Variants in GLIS3 observed in about 807,000 individuals in gnomAD.
The protein encoded by GLIS3 is zinc finger protein GLIS3.
GLIS3 carries 53 observed loss-of-function variants against 78.6 expected under a neutral mutation model. The observed-to-expected ratio is 0.67, with a 90% confidence interval of 0.54 to 0.85. The LOEUF (loss-of-function observed/expected upper bound fraction) is 0.85. Ranked by LOEUF, GLIS3 falls within the 40% of genes least tolerant of loss-of-function variation. GLIS3 has a pLI of 0.00. For missense variants in GLIS3, 1,703 were observed against 1,231.1 expected, an observed-to-expected ratio of 1.38 and a Z score of -5.74; for synonymous variants, 684 against 509.9, an observed-to-expected ratio of 1.34 and a Z score of -4.60.
intron 1 of GLIS3, among the ~76,000 whole-genome samples, chr9:4,292,755 G>C (rs1450460797): frequency 2.6e-5 from 4 of 152,176 alleles, no homozygotes; most frequent in Non-Finnish European, 4.4e-5. Flanking sequence ...CAGGGGATAG[G>C]TAACTTCCCT....
chr9:4,264,648 A>C (rs1423137414), intron 2 of GLIS3, among the ~76,000 whole-genome samples: 1 of 152,084 alleles, frequency 6.6e-6, no homozygotes, highest in Non-Finnish European at 1.5e-5. Context: ...CTCTTCACTC[A>C]AATCAGAGAA....
chr9:4,305,471 G>C (rs1817204686), intron 4 of GLIS3: 1 of 152,260 alleles, frequency 6.6e-6, no homozygotes, highest in Non-Finnish European at 1.5e-5. Context: ...CCCAGCCCAA[G>C]AGCTTCAAGG....
chr9:4,485,280 G>T, the GLIS3 span, among the ~76,000 whole-genome samples: 4 of 152,122 alleles, frequency 2.6e-5, no homozygotes, highest in Non-Finnish European at 2.9e-5. Context: ...CTCCCAAAGT[G>T]CTGGGATTAC....
intron 4 of GLIS3, among the ~76,000 whole-genome samples, chr9:3,968,892 G>C (rs1818161644): frequency 2.0e-5 from 3 of 152,210 alleles, no homozygotes; most frequent in African/African-American, 7.2e-5. Flanking sequence ...TGGACTGTCT[G>C]GGTAAAGATC....
exon 3 of GLIS3, chr9:4,310,459 CG>C (rs1817331617): frequency 6.6e-6 from 1 of 152,206 alleles, no homozygotes; most frequent in South Asian, 2.1e-4. Flanking sequence ...CACCTGCTGC[CG>C]GCCTTCTTCC....
intron 2 of GLIS3, among the ~76,000 whole-genome samples, chr9:4,175,846 A>G (rs933044643): frequency 1.3e-5 from 2 of 152,176 alleles, no homozygotes; most frequent in Non-Finnish European, 2.9e-5. Context: ...AACCCCATAA[A>G]AGAAGTATCA....
chr9:4,099,891 T>C (rs1469628374), intron 4 of GLIS3, among the ~76,000 whole-genome samples: 3 of 152,202 alleles, frequency 2.0e-5, no homozygotes, highest in South Asian at 4.1e-4. Flanking sequence ...AATGAAAAGA[T>C]TTACATCATA....
intron 2 of GLIS3, among the ~76,000 whole-genome samples, chr9:4,129,796 A>C (rs1346154350): frequency 2.6e-5 from 4 of 152,236 alleles, no homozygotes; most frequent in African/African-American, 9.6e-5. Flanking sequence ...AATGTGGAAG[A>C]AGCTTTGGAA....
chr9:3,904,921 G>A (rs149045689), intron 6 of GLIS3, among the ~76,000 whole-genome samples: 116 of 151,330 alleles, frequency 7.7e-4, no homozygotes, highest in African/African-American at 2.5e-3. Context: ...TTCTCCTTGT[G>A]TCCACACCAC....
chr9:3,906,341 T>G (rs918448861), intron 6 of GLIS3, among the ~76,000 whole-genome samples: 3 of 152,144 alleles, frequency 2.0e-5, no homozygotes, highest in Non-Finnish European at 4.4e-5. Context: ...TGCCAACGGC[T>G]TGAGGGAACC....
intron 2 of GLIS3, among the ~76,000 whole-genome samples, chr9:4,128,426 T>C (rs1216261583): frequency 6.6e-6 from 1 of 152,200 alleles, no homozygotes; most frequent in African/African-American, 2.4e-5. Context: ...CATCTCTACT[T>C]CCTTAGCACC....
intron 2 of GLIS3, among the ~76,000 whole-genome samples, chr9:4,178,033 T>C (rs766105543): frequency 2.6e-5 from 4 of 152,222 alleles, no homozygotes; most frequent in Admixed American, 6.5e-5. Flanking sequence ...CAGTAATTTA[T>C]GGAGTGAAGC....
chr9:4,345,410 A>C (rs915808879), intron 2 of GLIS3, among the ~76,000 whole-genome samples: 5 of 152,184 alleles, frequency 3.3e-5, no homozygotes, highest in African/African-American at 1.2e-4. Flanking sequence ...CAATTGACAT[A>C]TATTTTCCAT....
intron 4 of GLIS3, among the ~76,000 whole-genome samples, chr9:4,040,488 A>G (rs973810096): frequency 2.0e-5 from 3 of 152,226 alleles, no homozygotes; most frequent in Non-Finnish European, 4.4e-5. Flanking sequence ...CTGATAGTAT[A>G]TCACAAATAA....
chr9:4,116,191 C>T (rs1370970784), intron 4 of GLIS3, among the ~76,000 whole-genome samples: 2 of 152,148 alleles, frequency 1.3e-5, no homozygotes, highest in Non-Finnish European at 2.9e-5. Flanking sequence ...AAAGCCAAAT[C>T]CAGTGAACTA....
At chr9:4,357,269 A>G in the GLIS3 span, among the ~76,000 whole-genome samples, 1 of 152,198 alleles carries the variant, frequency 6.6e-6, no homozygotes, top group Non-Finnish European at 1.5e-5. Flanking sequence ...CATTTGAATC[A>G]GTAGATTGAA....
intron 2 of GLIS3, among the ~76,000 whole-genome samples, chr9:4,135,608 A>T (rs570903563): frequency 3.0e-4 from 46 of 152,340 alleles, no homozygotes; most frequent in African/African-American, 1.0e-3. Flanking sequence ...ATACATATTC[A>T]TTCTTATAAT....
intron 4 of GLIS3, among the ~76,000 whole-genome samples, chr9:3,980,583 A>AAATGGTCT (rs1269605575): frequency 8.5e-5 from 13 of 152,172 alleles, no homozygotes; most frequent in Admixed American, 2.0e-4. Flanking sequence ...AACATACCTA[A>AAATGGTCT]AATGGTCTTC....
chr9:4,290,541 C>A (rs10116772), intron 1 of GLIS3, among the ~76,000 whole-genome samples: 68,928 of 151,918 alleles, frequency 0.45, 15,809 homozygotes, highest in African/African-American at 0.52. Flanking sequence ...AATGAAAAGC[C>A]TATTGATAGA....
Sources: allele counts gnomAD v4.1 joint callset (sites outside exome capture counted in the v4.1 genomes callset), GRCh38; gene constraint gnomAD v4.1.1; transcripts MANE v1.5; gene names NCBI Gene and HGNC (gene_info 2026-07-23, HGNC 2026-07-21).